MID1: variants seen among roughly 807,000 people sequenced by gnomAD.
The protein encoded by MID1 is midline 1, also known as E3 ubiquitin-protein ligase Midline-1.
Under a neutral mutation model 40.4 loss-of-function variants are expected in MID1, and 7 were observed. The ratio of observed to expected loss-of-function variants is 0.17; its 90% CI spans 0.10 to 0.33. The LOEUF (loss-of-function observed/expected upper bound fraction) is 0.33, where lower values mean the gene tolerates loss of function less well. MID1 is among the 10% of genes least tolerant of loss of function. The pLI is 1.00. For synonymous variants in MID1, 229 were observed against 221.2 expected (o/e 1.04, Z -0.31); for missense variants, 367 against 558.5 (o/e 0.66, Z 3.46).
chrX:10,549,151 C>T (rs776364096), intron 2 of MID1, among the ~76,000 whole-genome samples: 1 of 112,351 alleles, frequency 8.9e-6, no homozygotes, highest in Admixed American at 9.4e-5. Context: ...TGGTAAATAC[C>T]ATCAAAATGC....
At chrX:10,481,648 G>A (rs1463091476) in intron 5 of MID1, among the ~76,000 whole-genome samples, 1 of 110,540 alleles carries the variant, frequency 9.0e-6, no homozygotes, top group Non-Finnish European at 1.9e-5. Flanking sequence ...GTTTCACCAT[G>A]TTAGTCAGGC....
intron 1 of MID1, among the ~76,000 whole-genome samples, chrX:10,641,566 C>T (rs1936196429): frequency 8.9e-6 from 1 of 111,806 alleles, no homozygotes; most frequent in South Asian, 3.8e-4. Context: ...GACAGATTCA[C>T]AGTCAAATTC....
At chrX:10,488,583 A>G (rs1439234742) in intron 4 of MID1, among the ~76,000 whole-genome samples, 1 of 111,696 alleles carries the variant, frequency 9.0e-6, no homozygotes, top group Non-Finnish European at 1.9e-5. Flanking sequence ...TCACGTGCTT[A>G]TTTACCATCT....
At chrX:10,521,974 G>T (rs746153416) in intron 3 of MID1, among the ~76,000 whole-genome samples, 12 of 111,445 alleles carry the variant, frequency 1.1e-4, no homozygotes, top group Non-Finnish European at 2.3e-4. Context: ...CAAGTAACTG[G>T]GACCACAGGT....
At chrX:10,467,195 T>C (rs1284460841) in intron 7 of MID1, among the ~76,000 whole-genome samples, 1 of 111,949 alleles carries the variant, frequency 8.9e-6, no homozygotes. Context: ...TGGAATGATA[T>C]CTCAGACATA....
intron 3 of MID1, among the ~76,000 whole-genome samples, chrX:10,511,045 G>A (rs1932124129): frequency 9.2e-6 from 1 of 108,385 alleles, no homozygotes; most frequent in South Asian, 4.1e-4. Flanking sequence ...AGGAGTTCGT[G>A]ACCAGGCTGG....
chrX:10,477,295 C>CAAACA (rs1427884858), intron 5 of MID1, among the ~76,000 whole-genome samples: 2 of 112,170 alleles, frequency 1.8e-5, no homozygotes, highest in Non-Finnish European at 1.9e-5. Flanking sequence ...CCATGGTCTA[C>CAAACA]AAACAATTAA....
At chrX:10,628,771 GATATA>G (rs1232019776) in intron 1 of MID1, among the ~76,000 whole-genome samples, 2 of 111,691 alleles carry the variant, frequency 1.8e-5, no homozygotes, top group South Asian at 3.8e-4. Context: ...AATATAATAT[GATATA>G]ATATAACCCA....
intron 1 of MID1, among the ~76,000 whole-genome samples, chrX:10,826,925 C>A (rs1292109148): frequency 9.0e-6 from 1 of 111,390 alleles, no homozygotes; most frequent in Non-Finnish European, 1.9e-5. Context: ...TTTTTCCTGC[C>A]CTCTCTCCAT....
intron 1 of MID1, chrX:10,576,865 C>G (rs982780322): frequency 9.1e-6 from 1 of 110,085 alleles, no homozygotes; most frequent in Admixed American, 9.7e-5. Flanking sequence ...AGACAGGCCA[C>G]CGAGACCAGA....
intron 1 of MID1, 104 bp from the exon 2 acceptor site, chrX:10,567,707 AG>A: frequency 1.9e-6 from 1 of 536,831 alleles, no homozygotes; most frequent in South Asian, 2.8e-5. Context: ...AGGTCATGAA[AG>A]GGTAAGTGTG....
upstream of MID1, among the ~76,000 whole-genome samples, chrX:10,621,730 G>A (rs1935936388): frequency 9.1e-6 from 1 of 109,761 alleles, no homozygotes; most frequent in Admixed American, 9.8e-5. Flanking sequence ...AGCCCATAAC[G>A]CTAGCCCCCT....
intron 1 of MID1, chrX:10,589,824 C>G (rs1415194352): frequency 5.4e-5 from 6 of 110,576 alleles, no homozygotes; most frequent in Non-Finnish European, 7.6e-5. Flanking sequence ...CTGTTAATCA[C>G]CTCGCTTCCT....
At chrX:10,577,738 G>A (rs1934910251) in intron 1 of MID1, among the ~76,000 whole-genome samples, 1 of 106,278 alleles carries the variant, frequency 9.4e-6, no homozygotes, top group Non-Finnish European at 1.9e-5. Flanking sequence ...TCTCCAGAAT[G>A]GCAAAGAAAG....
At chrX:10,697,901 T>C (rs1271866835) in intron 1 of MID1, among the ~76,000 whole-genome samples, 3 of 112,088 alleles carry the variant, frequency 2.7e-5, no homozygotes. Flanking sequence ...CAATCAAAAA[T>C]GTCTCTAGAA....
At chrX:10,814,920 A>G (rs184194603) in intron 1 of MID1, among the ~76,000 whole-genome samples, 141 of 111,162 alleles carry the variant, frequency 1.3e-3, no homozygotes, top group African/African-American at 4.5e-3. Flanking sequence ...GGTAAAGATT[A>G]CCATTGTTGG....
At chrX:10,589,358 C>G (rs1457112335) in intron 1 of MID1, among the ~76,000 whole-genome samples, 2 of 110,864 alleles carry the variant, frequency 1.8e-5, no homozygotes, top group East Asian at 2.8e-4. Flanking sequence ...TGAAGCAATT[C>G]AAACCAAGTC....
chrX:10,707,112 C>T (rs747656170), intron 1 of MID1, among the ~76,000 whole-genome samples: 2 of 111,625 alleles, frequency 1.8e-5, no homozygotes, highest in Non-Finnish European at 3.8e-5. Flanking sequence ...TTAACTCTTG[C>T]GATCTAAAAT....
chrX:10,683,768 A>ATTTTTTT (rs2043074650), intron 1 of MID1, among the ~76,000 whole-genome samples: 5 of 72,994 alleles, frequency 6.8e-5, no homozygotes, highest in African/African-American at 2.2e-4. Flanking sequence ...ATTGCACGTC[A>ATTTTTTT]TCTTTTTTTT....
Sources: gnomAD v4.1 joint callset for allele counts (sites outside exome capture counted in the v4.1 genomes callset) on GRCh38, gnomAD v4.1.1 for gene constraint, MANE v1.5 for transcripts, NCBI Gene and HGNC (gene_info 2026-07-23, HGNC 2026-07-21) for gene names.